The following NFAT5 variants were observed in gnomAD, a reference collection of about 807,000 sequenced individuals.
NFAT5 encodes the protein nuclear factor of activated T cells 5, also known as nuclear factor of activated T-cells 5.
In NFAT5, 31 loss-of-function variants were observed where a neutral mutation model predicts 166.5. That is an observed-to-expected ratio of 0.19 (90% CI 0.14 to 0.25). The LOEUF is 0.25. Ranked by LOEUF, NFAT5 falls within the 10% of genes least tolerant of loss-of-function variation. NFAT5 has a pLI of 1.00. For missense variants in NFAT5, 1,449 were observed against 1,821.8 expected (o/e 0.80, Z 3.72); for synonymous variants, 612 against 639.7 (o/e 0.96, Z 0.65).
In NFAT5 at chr16:69,647,359, G is replaced by A. The variant is rs2035482504; in HGVS notation, c.585G>A (p.Glu195=). Residue 195 remains glutamate (E), a synonymous_variant, in exon 4 of 15, where the codon GAG becomes GAA. Transcript: ENST00000349945. This position sits in a 1 kb window ranked among gnomAD's most constrained non-coding sequence, Gnocchi z 4.8. ...AGCAGAGCTGCAGTATGTGGATGGA[G>A]GATTCCCCCTCCAACTTCAGTAACA... The part of the protein sequence containing the change: ...ESEQSCSMWM[E]DSPSNFSNMS... The A allele has an allele frequency of 1.9e-6, 3 of 1,614,120 alleles. No homozygotes were observed. The East Asian group carries it at 6.7e-5, about 36-fold the overall frequency.
At chr16:69,695,112 C>G (rs1567618334) in intron 13 of NFAT5, 24 bp from the exon 14 acceptor site, 11 of 1,556,734 alleles carry the variant, frequency 7.1e-6, no homozygotes, top group South Asian at 1.1e-5. Context: ...AGCTTTTAAG[C>G]TTCTGTTTTC....
chr16:69,568,451 CTCAT>C (rs1364288982), intron 1 of NFAT5, 40 bp from the exon 2 acceptor site: 1 of 1,555,430 alleles, frequency 6.4e-7, no homozygotes, highest in East Asian at 2.3e-5. Flanking sequence ...CATTTTTTTC[CTCAT>C]TCAGCATAAA....
chr16:69,689,227 T>G (rs1450678769), intron 11 of NFAT5, among the ~76,000 whole-genome samples: 1 of 152,068 alleles, frequency 6.6e-6, no homozygotes, highest in Admixed American at 6.6e-5. Context: ...CAGTGAGGCC[T>G]GATTGTACCA....
chr16:69,659,691 C>T (rs1257609549), intron 6 of NFAT5, 36 bp from the exon 7 acceptor site: 1 of 1,486,482 alleles, frequency 6.7e-7, no homozygotes, highest in South Asian at 1.4e-5. Context: ...ATTTATACAA[C>T]AAAATGTCCC....
At chr16:69,673,422 G>A (rs1028327864) in intron 9 of NFAT5, among the ~76,000 whole-genome samples, 2 of 152,080 alleles carry the variant, frequency 1.3e-5, no homozygotes, top group Middle Eastern at 3.4e-3. Context: ...AAACCTTTAG[G>A]GGGAAGAAAA....
At chr16:69,687,909 G>A (rs1003974535) in intron 11 of NFAT5, among the ~76,000 whole-genome samples, 1 of 152,150 alleles carries the variant, frequency 6.6e-6, no homozygotes, top group Non-Finnish European at 1.5e-5. Flanking sequence ...AAACCCAGGA[G>A]TTTGGCCGGG....
rs1041785455 is a variant in NFAT5 at position 69,703,824 on chromosome 16, C to T, written c.*7473C>T. 3.9e-5 allele frequency: 6 copies of T among 152,682 alleles called. No individual in the cohort carries two copies. The highest frequency in any genetic ancestry group is 2.0e-4 in the Admixed American group (3 of 15,262). The allele number at this position is 152,682 out of a possible 1,614,324, so 9.5% of individuals were successfully genotyped here. A position where few individuals can be genotyped will look rare whatever the true frequency, so the allele number is the denominator to read the frequency against. Reference sequence around the variant, plus strand: ...AGCATTCTACCACAGTTCTATTTGACTCCCACTTGTAATAACTCCTTTAAA... The same window carrying T: ...AGCATTCTACCACAGTTCTATTTGATTCCCACTTGTAATAACTCCTTTAAA... On this transcript the variant is annotated 3_prime_UTR_variant, in exon 15 of 15. Coordinates refer to ENST00000349945, the MANE Select transcript of NFAT5 (RefSeq NM_138713.4).
In NFAT5 at chr16:69,692,425, C is replaced by A; in HGVS notation, c.2600C>A (p.Thr867Lys). 1 of 1,614,200 alleles carries A rather than the reference C, an allele frequency of 6.2e-7. No homozygotes were observed. The highest frequency in any genetic ancestry group is 1.3e-5 in the African/African-American group (1 of 75,036). ...SGVSPGMFSS[T>K]EPTVHTRPDN... Reference sequence around the variant, plus strand: ...GTAAGCCCTGGAATGTTTTCCTCAACAGAGCCAACAGTCCATACCAGACCA... The same window carrying A: ...GTAAGCCCTGGAATGTTTTCCTCAAAAGAGCCAACAGTCCATACCAGACCA... The change falls in exon 13 of 15, where the codon ACA becomes AAA. Residue 867 changes from threonine (T) to lysine (K), a missense_variant. Physicochemically the swap from Thr to Lys is moderately conservative, Grantham distance 78 (BLOSUM62 -1). This residue lies in a region of NFAT5 where 891 missense variants were observed against 993.0 expected (regional missense o/e 0.90). Coordinates refer to ENST00000349945, the MANE Select transcript of NFAT5 (RefSeq NM_138713.4).
intron 11 of NFAT5, chr16:69,686,170 G>A (rs1411542983): frequency 2.6e-5 from 4 of 151,950 alleles, no homozygotes; most frequent in Non-Finnish European, 2.9e-5. Flanking sequence ...TCAACATAGC[G>A]AAACCCCATC....
chr16:69,649,275 A>T, intron 4 of NFAT5: 1 of 956,480 alleles, frequency 1.0e-6, no homozygotes. Flanking sequence ...AAAGTCTTTA[A>T]TATAAAGTTC....
At chr16:69,638,096 A>G (rs573556331) in intron 3 of NFAT5, among the ~76,000 whole-genome samples, 2 of 152,084 alleles carry the variant, frequency 1.3e-5, no homozygotes, top group African/African-American at 2.4e-5. Context: ...GCAGGCACCT[A>G]TAATTCCAGC....
intron 2 of NFAT5, among the ~76,000 whole-genome samples, chr16:69,571,129 T>TAAAAAA (rs56221116): frequency 0.021 from 651 of 31,374 alleles, 168 homozygotes; most frequent in East Asian, 0.17. Context: ...CCATCTCTAC[T>TAAAAAA]AAAAAAAAAA....
intron 2 of NFAT5, among the ~76,000 whole-genome samples, chr16:69,595,684 G>A (rs1047293528): frequency 6.6e-5 from 10 of 152,106 alleles, no homozygotes; most frequent in Admixed American, 3.9e-4. Flanking sequence ...CTCAGCATAC[G>A]ATTTTTTCTT....
chr16:69,653,867 A>T (rs2035777543), intron 5 of NFAT5, among the ~76,000 whole-genome samples: 1 of 152,126 alleles, frequency 6.6e-6, no homozygotes, highest in Non-Finnish European at 1.5e-5. Flanking sequence ...TACAGTAGAA[A>T]TTATTAAGAA....
rs1346325200 is a variant in NFAT5 at position 69,566,357 on chromosome 16, AG to A, written c.57del (p.Lys19AsnfsTer9). ...LSADLDLESP[K>X]SLYSRDSLKL... ...GCGGACCTAGACCTGGAATCGCCCAAGTCCCTCTACTCGCGAGGTGAGTCAG... is the reference window on the plus strand; with the variant it reads ...GCGGACCTAGACCTGGAATCGCCCAATCCCTCTACTCGCGAGGTGAGTCAG... On this transcript the variant is annotated frameshift_variant, in exon 1 of 15. Coordinates refer to ENST00000349945, the MANE Select transcript of NFAT5 (RefSeq NM_138713.4). LOFTEE classifies it high-confidence loss of function. This position sits in a 1 kb window ranked among gnomAD's most constrained non-coding sequence, Gnocchi z 5.7. The A allele has an allele frequency of 3.1e-6, 5 of 1,597,706 alleles. No individual in the cohort carries two copies. Among genetic ancestry groups the A allele is most frequent in the Admixed American group, 1.7e-5 (1 of 59,086 alleles).
chr16:69,615,645 G>A (rs1328143206), intron 2 of NFAT5, among the ~76,000 whole-genome samples: 4 of 152,020 alleles, frequency 2.6e-5, no homozygotes, highest in Non-Finnish European at 4.4e-5. Context: ...AGTACCTCCC[G>A]TTGCAATGCA....
At chr16:69,652,751 T>A (rs2035724983) in intron 4 of NFAT5, among the ~76,000 whole-genome samples, 1 of 133,776 alleles carries the variant, frequency 7.5e-6, no homozygotes, top group Admixed American at 7.8e-5. Flanking sequence ...TGGGGGTTTG[T>A]TTTTTGTTTT....
rs1479858947 is a variant in NFAT5 at position 69,647,738 on chromosome 16, A to C, written c.812+152A>C. ...TGAAATACATGAAAATTTTAACTTAAAATTACCAACTTTTACTAGATAGAA... is the reference window on the plus strand; with the variant it reads ...TGAAATACATGAAAATTTTAACTTACAATTACCAACTTTTACTAGATAGAA... On this transcript the variant is annotated intron_variant, in intron 4 of 14. Coordinates refer to ENST00000349945, the MANE Select transcript of NFAT5 (RefSeq NM_138713.4). The surrounding 1 kb of genome is among the most constrained non-coding windows in gnomAD (Gnocchi z 4.8). 4 of 664,196 alleles carry C rather than the reference A, an allele frequency of 6.0e-6. No individual in the cohort carries two copies. The highest frequency in any genetic ancestry group is 9.7e-6 in the Non-Finnish European group (4 of 410,268). 41.1% of individuals were successfully genotyped at this position (664,196 alleles called of 1,614,324 possible).
At position 69,692,267 on chromosome 16, in the gene NFAT5, C is replaced by T; in HGVS notation, c.2442C>T (p.Asp814=). Residue 814 remains aspartate (D), a synonymous_variant, in exon 13 of 15, where the codon GAC becomes GAT. Coordinates refer to ENST00000349945, the MANE Select transcript of NFAT5 (RefSeq NM_138713.4). ...STASGSSGSV[D]LVQQVLEAQQ... is the part of the protein sequence containing the mutation. ...CTAGTGGCAGCAGTGGAAGTGTTGA[C>T]TTGGTCCAACAAGTTTTAGAGGCAC... 6.2e-7 allele frequency: 1 copy of T among 1,614,192 alleles called. No homozygotes were observed. Among genetic ancestry groups the T allele is most frequent in the South Asian group, 1.1e-5 (1 of 91,088 alleles).
Sources: gnomAD v4.1 joint callset for allele counts (sites outside exome capture counted in the v4.1 genomes callset) on GRCh38, gnomAD v4.1.1 for gene constraint, gnomAD v4.1.1 regional missense constraint, Gnocchi (gnomAD v3.1) non-coding constraint, MANE v1.5 for transcripts, NCBI Gene and HGNC (gene_info 2026-07-23, HGNC 2026-07-21) for gene names.